Variants in PCDH15 observed in about 807,000 individuals in gnomAD.
The protein encoded by PCDH15 is protocadherin-15.
In PCDH15, 129 loss-of-function variants were observed where a neutral mutation model predicts 178.5. That is an observed-to-expected ratio of 0.72 (90% CI 0.63 to 0.84). PCDH15 has a LOEUF of 0.84. Ranked by LOEUF, PCDH15 falls within the 40% of genes least tolerant of loss-of-function variation. The pLI is 0.00. For synonymous variants in PCDH15, 800 were observed against 732.0 expected (o/e 1.09, Z -1.50); for missense variants, 2,230 against 2,099.9 (o/e 1.06, Z -1.21).
intron 17 of PCDH15, among the ~76,000 whole-genome samples, chr10:54,078,590 GA>G (rs138583277): frequency 5.5e-5 from 8 of 144,516 alleles, no homozygotes; most frequent in Middle Eastern, 3.5e-3. Context: ...GCACCTGATT[GA>G]AAAAAAAAAG....
chr10:54,542,704 G>T (rs752864493), intron 2 of PCDH15, among the ~76,000 whole-genome samples: 1 of 152,080 alleles, frequency 6.6e-6, no homozygotes, highest in Non-Finnish European at 1.5e-5. Context: ...TTTTTGATAC[G>T]GGAGTACTGG....
At position 53,961,771 on chromosome 10, in the gene PCDH15, T is replaced by C. The variant is rs139087859; in HGVS notation, c.2990A>G (p.Glu997Gly). Residue 997 changes from glutamate (E) to glycine (G), a missense_variant, in exon 22 of 38, where the codon GAA becomes GGA. Coordinates refer to ENST00000644397, the MANE Select transcript of PCDH15 (RefSeq NM_001384140.1). ...ACTGACCTTAAAAATTGTTGTAGGTTCTTCATTAAGATTGACTCGTGTTAT... is the reference window on the plus strand; with the variant it reads ...ACTGACCTTAAAAATTGTTGTAGGTCCTTCATTAAGATTGACTCGTGTTAT... ...RVITRVNLNE[E>G]PTTIFKLVVV... 1.9e-4 allele frequency: 307 copies of C among 1,607,246 alleles called. 1 individual carries two copies. The African/African-American group carries it at 3.6e-3, about 19-fold the overall frequency.
At chr10:55,533,752 A>G (rs1464901834) in intron 2 of PCDH15, among the ~76,000 whole-genome samples, 2 of 152,054 alleles carry the variant, frequency 1.3e-5, no homozygotes, top group African/African-American at 4.8e-5. Context: ...TGGAACCAAA[A>G]AAAAAGAGCA....
chr10:54,071,788 T>C (rs1017417605), intron 17 of PCDH15, among the ~76,000 whole-genome samples: 1 of 152,124 alleles, frequency 6.6e-6, no homozygotes, highest in African/African-American at 2.4e-5. Flanking sequence ...GGAGCACTTA[T>C]CATTTATCTA....
chr10:54,121,242 TAAATC>T (rs2095214977), intron 15 of PCDH15, among the ~76,000 whole-genome samples: 1 of 148,958 alleles, frequency 6.7e-6, no homozygotes, highest in Admixed American at 6.7e-5. Flanking sequence ...TTATTTGAAA[TAAATC>T]AAAACAGAAA....
intron 3 of PCDH15, among the ~76,000 whole-genome samples, chr10:54,503,078 T>C (rs2080848812): frequency 6.6e-6 from 1 of 151,442 alleles, no homozygotes; most frequent in African/African-American, 2.4e-5. Flanking sequence ...AAAATCTTAC[T>C]TGTTTATTTA....
At chr10:53,935,253 G>A (rs1002773710) in intron 25 of PCDH15, among the ~76,000 whole-genome samples, 2 of 152,114 alleles carry the variant, frequency 1.3e-5, no homozygotes, top group Non-Finnish European at 2.9e-5. Flanking sequence ...TTTTCTTAAT[G>A]CACCAAAACA....
chr10:55,176,696 A>G (rs778061057), intron 1 of PCDH15, among the ~76,000 whole-genome samples: 11 of 152,068 alleles, frequency 7.2e-5, no homozygotes, highest in Non-Finnish European at 1.0e-4. Flanking sequence ...GTTCTAATTC[A>G]TCTTGTGGTT....
At chr10:54,244,153 A>G (rs1301156046) in intron 8 of PCDH15, among the ~76,000 whole-genome samples, 1 of 152,144 alleles carries the variant, frequency 6.6e-6, no homozygotes, top group Non-Finnish European at 1.5e-5. Context: ...CCATGAGCAA[A>G]TTTTATGACC....
At chr10:55,337,357 C>A (rs796175236) in intron 2 of PCDH15, among the ~76,000 whole-genome samples, 11 of 152,146 alleles carry the variant, frequency 7.2e-5, no homozygotes, top group African/African-American at 2.7e-4. Flanking sequence ...TACCCAGGGT[C>A]GAGAATATAA....
chr10:54,528,257 A>C (rs779046854), intron 2 of PCDH15: 12 of 836,056 alleles, frequency 1.4e-5, no homozygotes, highest in Non-Finnish European at 1.7e-5. Context: ...ACATAATTGG[A>C]CTTTAATTGT....
At chr10:54,975,212 C>T (rs948793015) in intron 2 of PCDH15, among the ~76,000 whole-genome samples, 5 of 152,120 alleles carry the variant, frequency 3.3e-5, no homozygotes, top group Admixed American at 6.6e-5. Context: ...ATTAGATTTT[C>T]GAAGATATTA....
chr10:55,506,063 A>C (rs1840752837), intron 2 of PCDH15, among the ~76,000 whole-genome samples: 1 of 151,458 alleles, frequency 6.6e-6, no homozygotes, highest in African/African-American at 2.4e-5. Flanking sequence ...AAGACTTTAA[A>C]CACATGAATG....
intron 20 of PCDH15, among the ~76,000 whole-genome samples, chr10:54,005,002 A>G (rs556942460): frequency 1.2e-3 from 189 of 152,204 alleles, no homozygotes; most frequent in Admixed American, 2.4e-3. Context: ...GAACCCAGAA[A>G]TAAATTTACA....
At chr10:55,332,558 A>G (rs1254837121) in intron 2 of PCDH15, among the ~76,000 whole-genome samples, 1 of 152,134 alleles carries the variant, frequency 6.6e-6, no homozygotes, top group Non-Finnish European at 1.5e-5. Flanking sequence ...CAATATCAGT[A>G]AAGAATAAAG....
chr10:55,091,387 C>T (rs1320345462), intron 2 of PCDH15, among the ~76,000 whole-genome samples: 5 of 151,800 alleles, frequency 3.3e-5, no homozygotes, highest in Non-Finnish European at 7.4e-5. Context: ...CATTTTACAC[C>T]AGTTTCTATA....
chr10:55,537,785 C>A (rs148694227), intron 2 of PCDH15, among the ~76,000 whole-genome samples: 136 of 152,228 alleles, frequency 8.9e-4, no homozygotes, highest in African/African-American at 3.1e-3. Context: ...TCTCTCCTGA[C>A]CCTGTAATAA....
chr10:54,747,797 A>G (rs1282122755), intron 1 of PCDH15, among the ~76,000 whole-genome samples: 1 of 148,716 alleles, frequency 6.7e-6, no homozygotes, highest in Non-Finnish European at 1.5e-5. Context: ...AAAATCACTC[A>G]ATGGTTACAT....
intron 2 of PCDH15, among the ~76,000 whole-genome samples, chr10:55,476,525 C>G (rs1180679259): frequency 6.6e-6 from 1 of 151,762 alleles, no homozygotes; most frequent in African/African-American, 2.4e-5. Context: ...AAAAATGTCC[C>G]AAATGTTGCC....
Sources: gnomAD v4.1 joint callset for allele counts (sites outside exome capture counted in the v4.1 genomes callset) on GRCh38, gnomAD v4.1.1 for gene constraint, MANE v1.5 for transcripts, NCBI Gene and HGNC (gene_info 2026-07-23, HGNC 2026-07-21) for gene names.